Variants in PAQR9 observed in about 807,000 individuals in gnomAD.
PAQR9 encodes progestin and adipoQ receptor family member 9, also known as membrane progestin receptor epsilon.
In PAQR9, 12 loss-of-function variants were observed where a neutral mutation model predicts 24.0. That is an observed-to-expected ratio of 0.50 (90% CI 0.32 to 0.81). PAQR9 has a LOEUF of 0.81. PAQR9 is among the 30% of genes least tolerant of loss of function. The pLI, the probability that PAQR9 is intolerant of heterozygous loss-of-function variation, is 0.03. For synonymous variants in PAQR9, 266 were observed against 237.6 expected (o/e 1.12, Z -1.10); for missense variants, 418 against 520.8 (o/e 0.80, Z 1.92).
chr3:142,963,446 C>A lies in PAQR9; in HGVS notation c.-110G>T, dbSNP rs1934957339. 1 of 1,047,416 alleles carries A rather than the reference C, an allele frequency of 9.5e-7. No homozygotes were observed. The highest frequency in any genetic ancestry group is 4.6e-5 in the South Asian group (1 of 21,936). The allele number at this position is 1,047,416 out of a possible 1,614,324, so 64.9% of individuals were successfully genotyped here. ...GGAGCCTTTGTGCCCACGCCGGGGG[C>A]GTCGCTGCAGGTTTAGGAGAAGACC... On this transcript the variant is annotated 5_prime_UTR_variant, in exon 1 of 1. Transcript: ENST00000340634.
rs757051864 is a variant in PAQR9, at chr3:142,963,159, G to A, written c.178C>T (p.Leu60=). The change falls in exon 1 of 1, where the codon CTG becomes TTG. Residue 60 remains leucine, a synonymous_variant. Transcript: ENST00000340634. ...CACGGCAGACGCCGGTAGCCCGACAGGATGAAGCACTCCACGAAGTCGTCG... is the reference window on the plus strand; with the variant it reads ...CACGGCAGACGCCGGTAGCCCGACAAGATGAAGCACTCCACGAAGTCGTCG... ...VPDDFVECFI[L]SGYRRLPCTA... is the part of the protein sequence containing the mutation. 3 of 1,603,644 alleles carry A rather than the reference G, an allele frequency of 1.9e-6. No individual in the cohort carries two copies. The highest frequency in any genetic ancestry group is 1.7e-6 in the Non-Finnish European group (2 of 1,175,160).
Position 142,957,623 on chromosome 3 carries a change from A to G in PAQR9, c.*4580T>C, listed in dbSNP as rs1023929037. ...AATTCAGACACTTAAAGACATCTCA[A>G]TTTAGGCACTTTGGATGATCCACTC... On this transcript the variant is annotated 3_prime_UTR_variant, in exon 1 of 1. Transcript: ENST00000340634. 2.0e-5 allele frequency among the ~76,000 whole-genome samples: 3 copies of G among 152,192 alleles called. No homozygotes were observed. The highest frequency in any genetic ancestry group is 2.9e-5 in the Non-Finnish European group (2 of 68,044).
Position 142,963,396 on chromosome 3 carries a change from T to C in PAQR9, c.-60A>G, listed in dbSNP as rs1476249743. The C allele has an allele frequency of 4.5e-6, 5 of 1,108,706 alleles. No individual in the cohort carries two copies. The highest frequency in any genetic ancestry group is 1.7e-5 in the African/African-American group (1 of 60,148). The allele number at this position is 1,108,706 out of a possible 1,614,324, so 68.7% of individuals were successfully genotyped here. On this transcript the variant is annotated 5_prime_UTR_variant, in exon 1 of 1. Transcript: ENST00000340634. ...ACCTCTGGCGCCGGCTCCCGGGCGC[T>C]GGGCAGCCCCCGCCGGCCGCCGTCG...
chr3:142,962,900 G>C lies in PAQR9; in HGVS notation c.437C>G (p.Ser146Trp), dbSNP rs1934931452. The stretch of plus-strand genomic sequence containing the variant: ...GAAGAAGGCGGCGCGCAGACGCAGC[G>C]ACAGGCAGCTGAACACGTGCGCCGT... The part of the protein sequence containing the change: ...SCTAHVFSCL[S>W]LRLRAAFFYL... The change falls in exon 1 of 1, where the codon TCG (serine) becomes TGG (tryptophan). Residue 146 changes from serine (S) to tryptophan (W), a missense_variant. Physicochemically the swap from Ser to Trp is radical, Grantham distance 177. This residue lies in a region of PAQR9 where 8 missense variants were observed against 25.3 expected (regional missense o/e 0.32). Coordinates refer to ENST00000340634, the MANE Select transcript of PAQR9 (RefSeq NM_198504.4). 1.2e-6 allele frequency: 2 copies of C among 1,613,824 alleles called. No homozygotes were observed. The highest frequency in any genetic ancestry group is 1.7e-6 in the Non-Finnish European group (2 of 1,180,002).
rs949574463 is a variant in PAQR9, at chr3:142,955,812, T to A, written c.*6391A>T. 1.3e-5 allele frequency among the ~76,000 whole-genome samples: 2 copies of A among 152,250 alleles called. No homozygotes were observed. Among genetic ancestry groups the A allele is most frequent in the African/African-American group, 4.8e-5 (2 of 41,476 alleles). On this transcript the variant is annotated 3_prime_UTR_variant, in exon 1 of 1. Coordinates refer to ENST00000340634, the MANE Select transcript of PAQR9 (RefSeq NM_198504.4). ...TAATAAAGTTTCTAACCAGAATTTT[T>A]AAAAAGACTTTTAAATTTAGCCATG...
At chr3:142,963,698 TCCG>T (rs970717979), upstream of PAQR9, 46 of 701,688 alleles carry the variant, frequency 6.6e-5, no homozygotes, top group Non-Finnish European at 7.2e-5. Flanking sequence ...TGCGGGTGCC[TCCG>T]CCGCCGCCGC....
chr3:142,953,967 C>A (rs1934755276), downstream of PAQR9, among the ~76,000 whole-genome samples: 1 of 152,190 alleles, frequency 6.6e-6, no homozygotes, highest in Admixed American at 6.5e-5. Flanking sequence ...GGTTTCTCAC[C>A]AGAATCTCTA....
rs1333665627 is a variant in PAQR9 at position 142,958,036 on chromosome 3, G to A, written c.*4167C>T. Among the ~76,000 whole-genome samples, 5 of 152,136 alleles carry A rather than the reference G, an allele frequency of 3.3e-5. No homozygotes were observed. Among genetic ancestry groups the A allele is most frequent in the African/African-American group, 9.7e-5 (4 of 41,418 alleles). On this transcript the variant is annotated 3_prime_UTR_variant, in exon 1 of 1. Transcript: ENST00000340634. Reference sequence around the variant, plus strand: ...AAAAGGGTAATGGCTGTAATAATACGGATGGGTCCTTGCCCAATGTCTTAC... The same window carrying A: ...AAAAGGGTAATGGCTGTAATAATACAGATGGGTCCTTGCCCAATGTCTTAC...
chr3:142,951,357 G>A, downstream of PAQR9, among the ~76,000 whole-genome samples: 1 of 152,092 alleles, frequency 6.6e-6, no homozygotes, highest in Non-Finnish European at 1.5e-5. Flanking sequence ...CTTTGAAATA[G>A]AATCAAACTC....
At position 142,955,712 on chromosome 3, in the gene PAQR9, A is replaced by G. The variant is rs994163839; in HGVS notation, c.*6491T>C. ...TTGATTGGCGAGAATAATTTTGTTCATAGCCTCCAGAAAAGAAAACTAGCC... is the reference window on the plus strand; with the variant it reads ...TTGATTGGCGAGAATAATTTTGTTCGTAGCCTCCAGAAAAGAAAACTAGCC... On this transcript the variant is annotated 3_prime_UTR_variant, in exon 1 of 1. Transcript: ENST00000340634. Among the ~76,000 whole-genome samples the G allele has an allele frequency of 3.3e-5, 5 of 152,186 alleles. No individual in the cohort carries two copies. Among genetic ancestry groups the G allele is most frequent in the Admixed American group, 1.3e-4 (2 of 15,282 alleles).
downstream of PAQR9, chr3:142,950,054 T>G (rs761763517): frequency 1.3e-5 from 2 of 152,256 alleles, no homozygotes; most frequent in African/African-American, 4.8e-5. Context: ...ATGCTTGATT[T>G]TTTTCTCAGA....
rs78494654 is a variant in PAQR9, at chr3:142,962,800, G to A, written c.537C>T (p.Gly179=). 0.04 allele frequency: 64,445 copies of A among 1,612,410 alleles called. 3,191 individuals carry two copies. The highest frequency in any genetic ancestry group is 0.25 in the East Asian group (11,052 of 44,818). ...TGACTCTGGCATCCAGCAAGCTGAG[G>A]CCTGGCAACAGGTAGTAGTAGTAGG... ...TVAYYYYLLP[G]LSLLDARVMT... Residue 179 remains glycine, a synonymous_variant, in exon 1 of 1, where the codon GGC becomes GGT. Transcript: ENST00000340634.
Position 142,959,072 on chromosome 3 carries a change from A to G in PAQR9, c.*3131T>C, listed in dbSNP as rs987358182. 2.0e-5 allele frequency among the ~76,000 whole-genome samples: 3 copies of G among 152,354 alleles called. No individual in the cohort carries two copies. Among genetic ancestry groups the G allele is most frequent in the East Asian group, 1.9e-4 (1 of 5,186 alleles). ...TGACTAACAAGTAAAAATGAAACAT[A>G]TTACATAATATGCTTCAAAATTCTA... On this transcript the variant is annotated 3_prime_UTR_variant, in exon 1 of 1. Coordinates refer to ENST00000340634, the MANE Select transcript of PAQR9 (RefSeq NM_198504.4).
At position 142,956,324 on chromosome 3, in the gene PAQR9, C is replaced by T. The variant is rs1934790490; in HGVS notation, c.*5879G>A. Among the ~76,000 whole-genome samples, 1 of 152,150 alleles carries T rather than the reference C, an allele frequency of 6.6e-6. No individual in the cohort carries two copies. The highest frequency in any genetic ancestry group is 6.5e-5 in the Admixed American group (1 of 15,272). On this transcript the variant is annotated 3_prime_UTR_variant, in exon 1 of 1. Transcript: ENST00000340634. ...ACCACCTGAAGACCCCCCATTCTGC[C>T]TTGAGTGCTTATTGCGTATTTTGGG...
Position 142,955,530 on chromosome 3 carries a change from C to A in PAQR9, c.*6673G>T, listed in dbSNP as rs1190743342. 2.8e-5 allele frequency among the ~76,000 whole-genome samples: 4 copies of A among 143,512 alleles called. No individual in the cohort carries two copies. Among genetic ancestry groups the A allele is most frequent in the Admixed American group, 2.1e-4 (3 of 14,328 alleles). 94.1% of individuals were successfully genotyped at this position (143,512 alleles called of 152,430 possible). Reference sequence around the variant, plus strand: ...GAAACACAGAAAGCCTTTTTCTGGTCCATATAGTGATGGCATGGGGCTTAT... The same window carrying A: ...GAAACACAGAAAGCCTTTTTCTGGTACATATAGTGATGGCATGGGGCTTAT... On this transcript the variant is annotated 3_prime_UTR_variant, in exon 1 of 1. Transcript: ENST00000340634.
downstream of PAQR9, chr3:142,951,790 A>G (rs1934715590): frequency 6.6e-6 from 3 of 456,546 alleles, no homozygotes; most frequent in South Asian, 4.6e-5. Flanking sequence ...GTCAGGCATG[A>G]AAGTCAGCAG....
chr3:142,955,203 G>A lies in PAQR9; in HGVS notation c.*7000C>T, dbSNP rs1934772405. Among the ~76,000 whole-genome samples, 1 of 152,038 alleles carries A rather than the reference G, an allele frequency of 6.6e-6. No individual in the cohort carries two copies. The highest frequency in any genetic ancestry group is 6.6e-5 in the Admixed American group (1 of 15,246). On this transcript the variant is annotated 3_prime_UTR_variant, in exon 1 of 1. Coordinates refer to ENST00000340634, the MANE Select transcript of PAQR9 (RefSeq NM_198504.4). ...TGCCCTTTACTGCAAAAGGGGACCT[G>A]CTGGTTGTACATTCTTGCAAATCCA...
At position 142,957,896 on chromosome 3, in the gene PAQR9, T is replaced by C; in HGVS notation, c.*4307A>G. ...AAGATTCTATGGATTGCACTTATGC[T>C]AGCAAAAAAAGAGACCCAAACTCAG... On this transcript the variant is annotated 3_prime_UTR_variant, in exon 1 of 1. Transcript: ENST00000340634. Among the ~76,000 whole-genome samples, 1 of 152,150 alleles carries C rather than the reference T, an allele frequency of 6.6e-6. No individual in the cohort carries two copies. The highest frequency in any genetic ancestry group is 6.5e-5 in the Admixed American group (1 of 15,276).
Position 142,962,974 on chromosome 3 carries a change from C to A in PAQR9, c.363G>T (p.Pro121=), listed in dbSNP as rs774515104. The change falls in exon 1 of 1, where the codon CCG becomes CCT. Residue 121 remains proline, a synonymous_variant. Transcript: ENST00000340634. ...GCACTCCCGACGCGTAGCACCACAA[C>A]GGTAGCAGCCACGGGTGGTGGAAGG... ...DVPFHHPWLL[P]LWCYASGVLL... is the part of the protein sequence containing the mutation. 2 of 1,614,106 alleles carry A rather than the reference C, an allele frequency of 1.2e-6. No individual in the cohort carries two copies.
Sources: allele counts gnomAD v4.1 joint callset (sites outside exome capture counted in the v4.1 genomes callset), GRCh38; gene constraint gnomAD v4.1.1; regional missense constraint gnomAD v4.1.1; transcripts MANE v1.5; gene names NCBI Gene and HGNC (gene_info 2026-07-23, HGNC 2026-07-21).